The following E4F1 variants were observed in gnomAD, a reference collection of about 807,000 sequenced individuals.
E4F1 encodes the protein transcription factor E4F1.
In E4F1, 30 loss-of-function variants were observed where a neutral mutation model predicts 72.9. That is an observed-to-expected ratio of 0.41 (90% CI 0.31 to 0.56). E4F1 has a LOEUF of 0.56. Ranked by LOEUF, E4F1 falls within the 20% of genes least tolerant of loss-of-function variation. The pLI is 0.25. For synonymous variants in E4F1, 542 were observed against 478.2 expected, an observed-to-expected ratio of 1.13 and a Z score of -1.74; for missense variants, 1,091 against 1,117.5, an observed-to-expected ratio of 0.98 and a Z score of 0.34.
Position 2,233,632 on chromosome 16 carries a change from G to A in E4F1, c.1251G>A (p.Val417=). 1 of 1,521,670 alleles carries A rather than the reference G, an allele frequency of 6.6e-7. No individual in the cohort carries two copies. Among genetic ancestry groups the A allele is most frequent in the South Asian group, 1.2e-5 (1 of 82,938 alleles). The allele number at this position is 1,521,670 out of a possible 1,614,324, so 94.3% of individuals were successfully genotyped here. A position where few individuals can be genotyped will look rare whatever the true frequency, so the allele number is the denominator to read the frequency against. Residue 417 remains valine (V), a synonymous_variant, in exon 8 of 14, where the codon GTG becomes GTA. Coordinates refer to ENST00000301727, the MANE Select transcript of E4F1 (RefSeq NM_004424.5). ...VAAPQLPVLE[V]QPLETQVASE... is the part of the protein sequence containing the mutation. ...CCCCGCAGCTGCCGGTACTGGAAGTGCAGCCGCTGGAGACAGTAGGTGCCA... is the reference window on the plus strand; with the variant it reads ...CCCCGCAGCTGCCGGTACTGGAAGTACAGCCGCTGGAGACAGTAGGTGCCA...
At position 2,235,110 on chromosome 16, in the gene E4F1, G is replaced by T. The variant is rs1189828945; in HGVS notation, c.1965G>T (p.Glu655Asp). Residue 655 changes from glutamate to aspartate, a missense_variant, in exon 13 of 14, where the codon GAG (glutamate) becomes GAT (aspartate). Transcript: ENST00000301727. ...CTGCGGACGATGCGGAGACCAGTGA[G>T]GCCACGGAGATCATCGAGGGCACCC... The part of the protein sequence containing the change: ...EATADDAETS[E>D]ATEIIEGTQT... 1 of 1,612,478 alleles carries T rather than the reference G, an allele frequency of 6.2e-7. No homozygotes were observed.
In E4F1 at chr16:2,232,047, G is replaced by A. The variant is rs2093470644; in HGVS notation, c.416-124G>A. 3 of 1,223,424 alleles carry A rather than the reference G, an allele frequency of 2.5e-6. No individual in the cohort carries two copies. In the Admixed American group the frequency reaches 6.2e-5, roughly 25 times the overall value. The allele number at this position is 1,223,424 out of a possible 1,614,324, so 75.8% of individuals were successfully genotyped here. On this transcript the variant is annotated intron_variant, in intron 3 of 13. Coordinates refer to ENST00000301727, the MANE Select transcript of E4F1 (RefSeq NM_004424.5). The stretch of plus-strand genomic sequence containing the variant: ...TGTTGCTCGGACCTGTGTGTTGAGG[G>A]CTCAGTGCAGGTTGGGTCCAGGGTG...
intron 9 of E4F1, 28 bp from the exon 10 acceptor site, chr16:2,234,143 C>T: frequency 1.2e-6 from 2 of 1,608,224 alleles, no homozygotes; most frequent in African/African-American, 1.3e-5. Context: ...GGGTGATGGG[C>T]TTGGCCTGAT....
chr16:2,223,795 C>G, intron 1 of E4F1, 25 bp downstream of exon 1: 1 of 1,533,838 alleles, frequency 6.5e-7, no homozygotes, highest in South Asian at 1.2e-5. Context: ...CCGGAGGGTG[C>G]GGCCGGGGTG....
intron 1 of E4F1, 67 bp from the exon 2 acceptor site, chr16:2,228,305 G>A: frequency 1.9e-6 from 3 of 1,599,326 alleles, no homozygotes; most frequent in Non-Finnish European, 2.6e-6. Context: ...TGGAGGAAAA[G>A]CCAGACGGAG....
intron 3 of E4F1, 198 bp downstream of exon 3, chr16:2,229,873 C>T (rs922666765): frequency 5.1e-6 from 3 of 583,004 alleles, no homozygotes; most frequent in Non-Finnish European, 9.2e-6. Context: ...CTCAGGTGTC[C>T]ACAGTGGCCG....
chr16:2,227,597 C>A (rs1316735800), intron 1 of E4F1, among the ~76,000 whole-genome samples: 1 of 152,114 alleles, frequency 6.6e-6, no homozygotes, highest in Non-Finnish European at 1.5e-5. Flanking sequence ...TGGTCTCAAT[C>A]TCCTGACCTC....
Position 2,234,891 on chromosome 16 carries a change from G to T in E4F1, c.1825G>T (p.Val609Leu), listed in dbSNP as rs1400948684. The part of the protein sequence containing the change: ...GCLLEVEELL[V>L]SEDSPAAATT... ...CCTGCTGGAGGTGGAGGAGTTGCTG[G>T]TGTCTGAGGACAGCCCCGCGGCAGC... The change falls in exon 12 of 14, where the codon GTG (valine) becomes TTG (leucine). Residue 609 changes from valine to leucine, a missense_variant. Physicochemically the swap from Val to Leu is conservative, Grantham distance 32. Coordinates refer to ENST00000301727, the MANE Select transcript of E4F1 (RefSeq NM_004424.5). 7 of 1,550,990 alleles carry T rather than the reference G, an allele frequency of 4.5e-6. No individual in the cohort carries two copies. In the East Asian group the frequency reaches 9.8e-5, roughly 22 times the overall value.
Position 2,233,198 on chromosome 16 carries a change from G to A in E4F1, c.1056+15G>A. 1 of 1,584,310 alleles carries A rather than the reference G, an allele frequency of 6.3e-7. No individual in the cohort carries two copies. Among genetic ancestry groups the A allele is most frequent in the East Asian group, 2.2e-5 (1 of 44,468 alleles). On this transcript the variant is annotated intron_variant, in intron 7 of 13. Coordinates refer to ENST00000301727, the MANE Select transcript of E4F1 (RefSeq NM_004424.5). ...TGGCCCCAGAGGTGGGGGCGACGGG[G>A]GGCCCCGGAGGGCTGCTCTGTCTTC... is the stretch of plus-strand genomic sequence containing the variant.
In E4F1 at chr16:2,235,699, A is replaced by G. The variant is rs964563551; in HGVS notation, c.*127A>G. On this transcript the variant is annotated 3_prime_UTR_variant, in exon 14 of 14. Coordinates refer to ENST00000301727, the MANE Select transcript of E4F1 (RefSeq NM_004424.5). ...AGGCGCCCCAAGACGGACAGTGTAC[A>G]TAAGAGTTTCTTGTTGCTTTACAAT... 5 of 759,270 alleles carry G rather than the reference A, an allele frequency of 6.6e-6. No homozygotes were observed. Among genetic ancestry groups the G allele is most frequent in the East Asian group, 2.8e-5 (1 of 36,232 alleles). The allele number at this position is 759,270 out of a possible 1,614,324, so 47.0% of individuals were successfully genotyped here. A position where few individuals can be genotyped will look rare whatever the true frequency, so the allele number is the denominator to read the frequency against.
chr16:2,224,041 C>A, intron 1 of E4F1: 1 of 1,259,606 alleles, frequency 7.9e-7, no homozygotes, highest in Non-Finnish European at 1.0e-6. Flanking sequence ...CCGGTGTAGA[C>A]ATTCGCAGAC....
chr16:2,228,442 C>T lies in E4F1; in HGVS notation c.228C>T (p.His76=), dbSNP rs753711774. 21 of 1,613,660 alleles carry T rather than the reference C, an allele frequency of 1.3e-5. No homozygotes were observed. The highest frequency in any genetic ancestry group is 1.8e-5 in the Non-Finnish European group (21 of 1,180,026). The change falls in exon 2 of 14, where the codon CAC becomes CAT. Residue 76 remains histidine, a synonymous_variant. Transcript: ENST00000301727. ...CCGCCTTGGAGGATTTTGTTCAGCA[C>T]AAGATTCAGAAGGCCTGCCAGCGGG... ...EFTALEDFVQ[H]KIQKACQRAP... is the part of the protein sequence containing the mutation.
Position 2,228,465 on chromosome 16 carries a change from G to A in E4F1, c.251G>A (p.Arg84Gln), listed in dbSNP as rs542396099. The A allele has an allele frequency of 3.2e-5, 51 of 1,613,160 alleles. No homozygotes were observed. The highest frequency in any genetic ancestry group is 3.6e-5 in the Non-Finnish European group (43 of 1,179,992). ...VQHKIQKACQ[R>Q]APPEALPATP... ...CACAAGATTCAGAAGGCCTGCCAGC[G>A]GGCCCCTCCGGAGGCCCTGCCTGCC... is the stretch of plus-strand genomic sequence containing the variant. Residue 84 changes from arginine to glutamine, a missense_variant, in exon 2 of 14, where the codon CGG (arginine) becomes CAG (glutamine). By Grantham distance (43) the Arg-to-Gln change is conservative (BLOSUM62 1). Around this residue, in one of 5 missense-constraint regions of E4F1, gnomAD observed 362 missense variants for 358.6 expected, o/e 1.01. Transcript: ENST00000301727.
chr16:2,232,988 C>T (rs1340030536), intron 6 of E4F1, 23 bp from the exon 7 acceptor site: 44 of 1,608,846 alleles, frequency 2.7e-5, no homozygotes, highest in Non-Finnish European at 3.7e-5. Flanking sequence ...GAGGGATCTT[C>T]ACTCCCTCAC....
chr16:2,229,080 C>G (rs966540312), intron 2 of E4F1, among the ~76,000 whole-genome samples: 1 of 152,236 alleles, frequency 6.6e-6, no homozygotes, highest in Non-Finnish European at 1.5e-5. Context: ...ACCAGTGGGC[C>G]GTGGCCCAGA....
rs140819575 is a variant in E4F1, at chr16:2,235,479, G to A, written c.2262G>A (p.Val754=). 237 of 1,611,780 alleles carry A rather than the reference G, an allele frequency of 1.5e-4. No homozygotes were observed. In the African/African-American group the frequency reaches 2.5e-3, roughly 17 times the overall value. The change falls in exon 14 of 14, where the codon GTG becomes GTA. Residue 754 remains valine (V), a synonymous_variant. Coordinates refer to ENST00000301727, the MANE Select transcript of E4F1 (RefSeq NM_004424.5). ...CTGAACAGGCCACTGTGACCATGGT[G>A]TCATCAGAGGACATCGAGATCCTGG... ...SGTEQATVTM[V]SSEDIEILEH... is the part of the protein sequence containing the mutation.
At chr16:2,224,202 G>T (rs2093417139) in intron 1 of E4F1, among the ~76,000 whole-genome samples, 1 of 152,240 alleles carries the variant, frequency 6.6e-6, no homozygotes, top group Non-Finnish European at 1.5e-5. Context: ...TGGGCTCTGG[G>T]CCTGTCCGTA....
rs2093411933 is a variant in E4F1, at chr16:2,223,648, C to T, written c.35C>T (p.Ala12Val). 1.3e-6 allele frequency: 2 copies of T among 1,590,340 alleles called. No individual in the cohort carries two copies. Among genetic ancestry groups the T allele is most frequent in the Non-Finnish European group, 1.7e-6 (2 of 1,174,150 alleles). Residue 12 changes from alanine to valine, a missense_variant, in exon 1 of 14, where the codon GCT becomes GTT. Physicochemically the swap from Ala to Val is moderately conservative, Grantham distance 64. Around this residue, in one of 5 missense-constraint regions of E4F1, gnomAD observed 362 missense variants for 358.6 expected, o/e 1.01. Coordinates refer to ENST00000301727, the MANE Select transcript of E4F1 (RefSeq NM_004424.5). ...GCGATGGCAGTGCGGGTGACGGCCG[C>T]TCATACGGCAGAAGCCCAGGCCGAA... ...EGAMAVRVTA[A>V]HTAEAQAEAG...
Position 2,232,249 on chromosome 16 carries a change from G to A in E4F1, c.494G>A (p.Ser165Asn). ...GDGEMAEAPG[S>N]PRQQGLGLAG... ...GGTGAGATGGCCGAGGCCCCGGGCA[G>A]CCCCCGCCAGCAGGGGCTGGGGCTC... The change falls in exon 4 of 14, where the codon AGC becomes AAC. Residue 165 changes from serine (S) to asparagine (N), a missense_variant. Ser to Asn is a conservative substitution (Grantham distance 46, BLOSUM62 1). Coordinates refer to ENST00000301727, the MANE Select transcript of E4F1 (RefSeq NM_004424.5). The A allele has an allele frequency of 6.2e-7, 1 of 1,612,648 alleles. No individual in the cohort carries two copies. The highest frequency in any genetic ancestry group is 1.7e-5 in the Admixed American group (1 of 59,994).
Sources: allele counts gnomAD v4.1 joint callset (sites outside exome capture counted in the v4.1 genomes callset), GRCh38; gene constraint gnomAD v4.1.1; regional missense constraint gnomAD v4.1.1; transcripts MANE v1.5; gene names NCBI Gene and HGNC (gene_info 2026-07-23, HGNC 2026-07-21).